FN1: variants seen among roughly 807,000 people sequenced by gnomAD.
FN1 encodes fibronectin.
FN1 carries 106 observed loss-of-function variants against 297.3 expected under a neutral mutation model. The observed-to-expected ratio is 0.36, with a 90% CI of 0.30 to 0.42. The LOEUF (loss-of-function observed/expected upper bound fraction) is 0.42. Ranked by LOEUF, FN1 falls within the 10% of genes least tolerant of loss-of-function variation. The pLI is 1.00. For synonymous variants in FN1, 1,149 were observed against 1,152.6 expected (o/e 1.00, Z 0.06); for missense variants, 2,690 against 3,124.9 (o/e 0.86, Z 3.32).
Position 215,408,184 on chromosome 2 carries a change from A to T in FN1, c.2442T>A (p.Pro814=), listed in dbSNP as rs7596677. The change falls in exon 17 of 46, where the codon CCT becomes CCA. Residue 814 remains proline (P), a synonymous_variant. Transcript: ENST00000354785. The part of the protein sequence containing the change: ...STSQTTAPDA[P]PDTTVDQVDD... The stretch of plus-strand genomic sequence containing the variant: ...CAACTTGGTCCACAGTCGTGTCAGG[A>T]GGGGCATCAGGCGCTAAGAAAGAAA... The T allele has an allele frequency of 0.29, 463,882 of 1,613,218 alleles. 79,315 individuals are homozygous for T. The highest frequency in any genetic ancestry group is 0.94 in the East Asian group (42,092 of 44,832).
intron 5 of FN1, among the ~76,000 whole-genome samples, chr2:215,429,239 G>A (rs1168570754): frequency 6.6e-6 from 1 of 152,088 alleles, no homozygotes; most frequent in African/African-American, 2.4e-5. Context: ...AACATCTACA[G>A]TATTTAAAAA....
chr2:215,367,743 C>G, intron 42 of FN1, 120 bp downstream of exon 42: 1 of 970,390 alleles, frequency 1.0e-6, no homozygotes, highest in Non-Finnish European at 1.6e-6. Context: ...ACAGTATTCT[C>G]TTGTTTGCTT....
chr2:215,419,202 C>G (rs2063852275), intron 12 of FN1, 40 bp downstream of exon 12: 1 of 1,598,694 alleles, frequency 6.3e-7, no homozygotes, highest in African/African-American at 1.3e-5. Flanking sequence ...TGTTATAACC[C>G]AATTGGCAGT....
At chr2:215,409,909 G>C in intron 14 of FN1, 25 bp downstream of exon 14, 1 of 1,613,264 alleles carries the variant, frequency 6.2e-7, no homozygotes, top group Non-Finnish European at 8.5e-7. Context: ...GGGGGTAGGA[G>C]GCATGAGGGT....
At chr2:215,368,691 ATTG>A (rs1472672125) in intron 41 of FN1, among the ~76,000 whole-genome samples, 1 of 152,194 alleles carries the variant, frequency 6.6e-6, no homozygotes, top group African/African-American at 2.4e-5. Context: ...GATTTTGGAC[ATTG>A]TTATTATAGT....
At chr2:215,361,915 T>G (rs1049995824) in intron 45 of FN1, 54 bp downstream of exon 45, 3 of 1,605,852 alleles carry the variant, frequency 1.9e-6, no homozygotes, top group Non-Finnish European at 2.6e-6. Context: ...AAGATACCTG[T>G]AGAAAGAGAC....
intron 29 of FN1, 175 bp downstream of exon 29, chr2:215,384,685 G>T: frequency 1.7e-6 from 1 of 572,864 alleles, no homozygotes; most frequent in Non-Finnish European, 3.1e-6. Flanking sequence ...TTTTTATTTG[G>T]GTTTTAGAAC....
In FN1 at chr2:215,425,763, GCAAACTCCTGACCTCAAACTCCTGTCT is replaced by G. The variant is rs575176414; in HGVS notation, c.845-505_845-479del. 4.9e-3 allele frequency among the ~76,000 whole-genome samples: 740 copies of G among 150,916 alleles called. 6 individuals are homozygous for G. Among genetic ancestry groups the G allele is most frequent in the African/African-American group, 0.017 (683 of 40,280 alleles). ...GTAGAGACGGGGTTTTGCCATGTTG[GCAAACTCCTGACCTCAAACTCCTGTCT>G]CAAACTCCTGACCTCAGGGGATCCA... On this transcript the variant is annotated intron_variant, in intron 6 of 45. Transcript: ENST00000354785.
intron 28 of FN1, 95 bp downstream of exon 28, chr2:215,386,594 T>TTTG: frequency 9.6e-6 from 3 of 311,172 alleles, no homozygotes; most frequent in South Asian, 6.4e-5. Context: ...TTTTTTTTTT[T>TTTG]GAGAGCTGAT....
chr2:215,419,638 G>A (rs1320202004), intron 11 of FN1, among the ~76,000 whole-genome samples: 1 of 151,212 alleles, frequency 6.6e-6, no homozygotes, highest in East Asian at 1.9e-4. Context: ...AAAATGTAAA[G>A]ATTTAGATTT....
intron 40 of FN1, 62 bp from the exon 41 acceptor site, chr2:215,370,494 C>T (rs1043502431): frequency 1.5e-6 from 2 of 1,352,368 alleles, no homozygotes; most frequent in African/African-American, 3.0e-5. Flanking sequence ...GACACGGGCT[C>T]TCCTCTTACC....
chr2:215,397,938 G>T, intron 21 of FN1, 90 bp from the exon 22 acceptor site: 1 of 1,142,670 alleles, frequency 8.8e-7, no homozygotes. Context: ...TTTAAATAGT[G>T]TAAACTCTTC....
rs546748111 is a variant in FN1 at position 215,386,807 on chromosome 2, G to A, written c.4494C>T (p.Pro1498=). ...FSGRPREDRV[P]HSRNSITLTN... ...TGAGGGTGATGGAATTCCGAGAGTG[G>A]GGCACCCGATCTTCTCGAGGTCTCC... Residue 1498 remains proline, a synonymous_variant, in exon 28 of 46, where the codon CCC becomes CCT. Coordinates refer to ENST00000354785, the MANE Select transcript of FN1 (RefSeq NM_212482.4). 1.2e-6 allele frequency: 2 copies of A among 1,613,838 alleles called. No homozygotes were observed. The highest frequency in any genetic ancestry group is 3.3e-5 in the Admixed American group (2 of 60,000).
chr2:215,364,201 C>G (rs753880563), intron 44 of FN1, among the ~76,000 whole-genome samples: 3 of 152,248 alleles, frequency 2.0e-5, no homozygotes, highest in Non-Finnish European at 4.4e-5. Flanking sequence ...CTCATTTCCT[C>G]TGTTTTTCCT....
At chr2:215,386,134 A>G (rs563413383) in intron 28 of FN1, among the ~76,000 whole-genome samples, 1 of 133,830 alleles carries the variant, frequency 7.5e-6, no homozygotes, top group African/African-American at 2.9e-5. Context: ...TTGGAGTGCA[A>G]TGGCCTGATC....
chr2:215,375,861 T>G lies in FN1; in HGVS notation c.5888-143A>C, dbSNP rs6707530. The stretch of plus-strand genomic sequence containing the variant: ...AGTGGTCCACATTTGAACAGTAAAG[T>G]AGAGCATGCTATGGATGTTAACTGT... On this transcript the variant is annotated intron_variant, in intron 36 of 45. Coordinates refer to ENST00000354785, the MANE Select transcript of FN1 (RefSeq NM_212482.4). 0.3 allele frequency: 208,752 copies of G among 693,018 alleles called. 38,070 individuals carry two copies. The highest frequency in any genetic ancestry group is 0.81 in the East Asian group (29,543 of 36,312). 42.9% of individuals were successfully genotyped at this position (693,018 alleles called of 1,614,324 possible). A position where few individuals can be genotyped will look rare whatever the true frequency, so the allele number is the denominator to read the frequency against.
In FN1 at chr2:215,370,708, G is replaced by T. The variant is rs79379986; in HGVS notation, c.6715-276C>A. ...AGGAGCCCTCGACAATACTAGAGAC[G>T]GCCTGCCATTGATCTTGCTTCAGTC... On this transcript the variant is annotated intron_variant, in intron 40 of 45. Transcript: ENST00000354785. 2.8e-3 allele frequency among the ~76,000 whole-genome samples: 428 copies of T among 152,102 alleles called. 8 individuals carry two copies. Among genetic ancestry groups the T allele is most frequent in the Non-Finnish European group, 1.8e-3 (120 of 68,028 alleles).
rs367872890 is a variant in FN1, at chr2:215,372,047, G to A, written c.6576C>T (p.His2192=). The change falls in exon 40 of 46, where the codon CAC becomes CAT. Residue 2192 remains histidine (H), a synonymous_variant. Transcript: ENST00000354785. ...AGGCATTTGGATTGAGTCCCGGACC[G>A]TGTGGGTACAGGTGATAGTCTACAT... ...REDVDYHLYP[H]GPGLNPNAST... is the part of the protein sequence containing the mutation. 57 of 1,614,086 alleles carry A rather than the reference G, an allele frequency of 3.5e-5. No homozygotes were observed. The highest frequency in any genetic ancestry group is 1.6e-4 in the Middle Eastern group (1 of 6,084).
In FN1 at chr2:215,372,007, C is replaced by T; in HGVS notation, c.6616G>A (p.Ala2206Thr). The T allele has an allele frequency of 6.2e-7, 1 of 1,614,204 alleles. No homozygotes were observed. Among genetic ancestry groups the T allele is most frequent in the Non-Finnish European group, 8.5e-7 (1 of 1,180,034 alleles). Residue 2206 changes from alanine (A) to threonine (T), a missense_variant, in exon 40 of 46, where the codon GCT becomes ACT. Coordinates refer to ENST00000354785, the MANE Select transcript of FN1 (RefSeq NM_212482.4). ...LNPNASTGQE[A>T]LSQTTISWAP... ...CATGAGATGGTTGTCTGAGAGAGAG[C>T]TTCTTGTCCTGTAGAGGCATTTGGA...
Sources: gnomAD v4.1 joint callset for allele counts (sites outside exome capture counted in the v4.1 genomes callset) on GRCh38, gnomAD v4.1.1 for gene constraint, MANE v1.5 for transcripts, NCBI Gene and HGNC (gene_info 2026-07-23, HGNC 2026-07-21) for gene names.